The following TRMT11 variants were observed in gnomAD, a reference collection of about 807,000 sequenced individuals.
The protein encoded by TRMT11 is tRNA methyltransferase 11.
Under a neutral mutation model 62.8 loss-of-function variants are expected in TRMT11, and 53 were observed. The ratio of observed to expected loss-of-function variants is 0.84; its 90% CI spans 0.68 to 1.06. The LOEUF is 1.06. Among genes scored for constraint, TRMT11 ranks in the 50% least tolerant of loss-of-function variants. TRMT11 has a pLI of 0.00. For synonymous variants in TRMT11, 188 were observed against 190.3 expected (o/e 0.99, Z 0.10); for missense variants, 556 against 553.4 (o/e 1.00, Z -0.05).
chr6:126,013,487 C>A (rs1300645650), intron 11 of TRMT11, among the ~76,000 whole-genome samples: 1 of 152,132 alleles, frequency 6.6e-6, no homozygotes, highest in Non-Finnish European at 1.5e-5. Context: ...TTTTAAACTT[C>A]TAGGCTCAAG....
rs561466173 is a variant in TRMT11 at position 126,012,964 on chromosome 6, G to T, written c.1008-6G>T. ...CTGATTTTGAAATTTTCTTTTCTTT[G>T]TGTAGTCCAGAAAGCCATGTTCCTG... On this transcript the variant is annotated splice_region_variant and splice_polypyrimidine_tract_variant and intron_variant, in intron 10 of 12. Transcript: ENST00000334379. The T allele has an allele frequency of 6.2e-7, 1 of 1,610,028 alleles. No individual in the cohort carries two copies. The highest frequency in any genetic ancestry group is 1.1e-5 in the South Asian group (1 of 90,752).
chr6:126,083,566 T>C (rs1338200399), intron 17 of TRMT11, among the ~76,000 whole-genome samples: 2 of 152,266 alleles, frequency 1.3e-5, no homozygotes, highest in Middle Eastern at 3.4e-3. Context: ...CAGATTATTA[T>C]AGTGAAGCAA....
chr6:126,126,057 C>G (rs1207045316), intron 21 of TRMT11, among the ~76,000 whole-genome samples: 1 of 152,048 alleles, frequency 6.6e-6, no homozygotes, highest in Non-Finnish European at 1.5e-5. Flanking sequence ...TGTAATTTGC[C>G]TAGGACACCA....
intron 21 of TRMT11, among the ~76,000 whole-genome samples, chr6:126,151,867 C>CTTGTCTTT (rs1562334850): frequency 8.1e-4 from 15 of 18,406 alleles, no homozygotes; most frequent in East Asian, 1.6e-3. Flanking sequence ...TCTTTCTTTC[C>CTTGTCTTT]TTCTTTCTCC....
At chr6:126,165,277 C>CAA (rs764649605) in intron 21 of TRMT11, among the ~76,000 whole-genome samples, 7,969 of 134,614 alleles carry the variant, frequency 0.059, 354 homozygotes, top group African/African-American at 0.13. Context: ...GACCGTGCCT[C>CAA]AAAAAAAAAA....
chr6:126,137,577 A>G (rs1404004384), intron 21 of TRMT11, among the ~76,000 whole-genome samples: 1 of 151,874 alleles, frequency 6.6e-6, no homozygotes, highest in Non-Finnish European at 1.5e-5. Flanking sequence ...TCAGAAAAAC[A>G]AAGATAGTAC....
chr6:126,114,057 T>C (rs1280836903), intron 18 of TRMT11, among the ~76,000 whole-genome samples: 1 of 152,030 alleles, frequency 6.6e-6, no homozygotes, highest in Admixed American at 6.6e-5. Flanking sequence ...AAAAATATTT[T>C]AAAATAGGAT....
At chr6:126,095,707 A>C (rs1056237700) in intron 17 of TRMT11, among the ~76,000 whole-genome samples, 1 of 152,188 alleles carries the variant, frequency 6.6e-6, no homozygotes, top group East Asian at 1.9e-4. Flanking sequence ...GATACCTATT[A>C]TAATAAAGGT....
At chr6:126,135,047 A>G (rs1440771786) in intron 21 of TRMT11, among the ~76,000 whole-genome samples, 1 of 151,730 alleles carries the variant, frequency 6.6e-6, no homozygotes, top group Non-Finnish European at 1.5e-5. Context: ...AATAAAAAAA[A>G]TTTAAATAAT....
the TRMT11 span, among the ~76,000 whole-genome samples, chr6:126,266,822 G>T: frequency 0.21 from 32,326 of 151,976 alleles, 4,443 homozygotes; most frequent in East Asian, 0.53. Flanking sequence ...TACAATGACT[G>T]CCTGTCATGC....
chr6:126,043,625 C>G (rs1204914345), downstream of TRMT11, among the ~76,000 whole-genome samples: 4 of 152,112 alleles, frequency 2.6e-5, no homozygotes. Context: ...TGAGGAATTG[C>G]CACACTGACT....
At chr6:126,205,906 C>T (rs1164711437), downstream of TRMT11, among the ~76,000 whole-genome samples, 1 of 138,316 alleles carries the variant, frequency 7.2e-6, no homozygotes. Context: ...GGTACACACA[C>T]ACACACACAC....
chr6:126,071,621 G>T lies in TRMT11; in HGVS notation c.*1437+18431G>T, dbSNP rs188382786. Among the ~76,000 whole-genome samples the T allele has an allele frequency of 2.4e-4, 36 of 151,314 alleles. No individual in the cohort carries two copies. In the East Asian group the frequency reaches 7.0e-3, roughly 29 times the overall value. ...TGGTTCTAAGAATATAAGCTGGCACGATGATCAGCGAGAGAGTAAATGGGT... is the reference window on the plus strand; with the variant it reads ...TGGTTCTAAGAATATAAGCTGGCACTATGATCAGCGAGAGAGTAAATGGGT... On this transcript the variant is annotated intron_variant and NMD_transcript_variant, in intron 17 of 22. Transcript: ENST00000648977.
chr6:126,237,417 C>T, the TRMT11 span, among the ~76,000 whole-genome samples: 1 of 152,168 alleles, frequency 6.6e-6, no homozygotes, highest in Admixed American at 6.5e-5. Flanking sequence ...CGGTGGCTCA[C>T]ATCTATAATC....
the TRMT11 span, among the ~76,000 whole-genome samples, chr6:126,245,412 T>C: frequency 6.6e-6 from 1 of 152,218 alleles, no homozygotes; most frequent in South Asian, 2.1e-4. Context: ...ACGTCCAGTA[T>C]CAAAAGTTAT....
intron 17 of TRMT11, among the ~76,000 whole-genome samples, chr6:126,060,912 T>C (rs1776518132): frequency 6.6e-6 from 1 of 152,228 alleles, no homozygotes; most frequent in Non-Finnish European, 1.5e-5. Flanking sequence ...CTCAGGGATA[T>C]GGGATCACTG....
chr6:126,169,136 G>A (rs767211005), intron 21 of TRMT11, among the ~76,000 whole-genome samples: 9 of 152,328 alleles, frequency 5.9e-5, no homozygotes, highest in Middle Eastern at 3.4e-3. Flanking sequence ...CTGCATACTG[G>A]AACTGGGTAG....
chr6:126,078,398 G>GTT lies in TRMT11; in HGVS notation c.*1437+25220_*1437+25221dup, dbSNP rs36060578. Among the ~76,000 whole-genome samples the GTT allele has an allele frequency of 2.9e-3, 417 of 141,512 alleles. 3 individuals carry two copies. Among genetic ancestry groups the GTT allele is most frequent in the African/African-American group, 9.8e-3 (380 of 38,806 alleles). The allele number at this position is 141,512 out of a possible 152,430, so 92.8% of individuals were successfully genotyped here. A position where few individuals can be genotyped will look rare whatever the true frequency, so the allele number is the denominator to read the frequency against. The stretch of plus-strand genomic sequence containing the variant: ...CTGGTTTGCATTTTTTATTAGAAAG[G>GTT]TTTTTTTTTTTTTGAGTTGGACTCA... On this transcript the variant is annotated intron_variant and NMD_transcript_variant, in intron 17 of 22. Coordinates refer to the TRMT11 transcript ENST00000648977.
chr6:126,258,264 G>T, the TRMT11 span: 1 of 548,984 alleles, frequency 1.8e-6, no homozygotes, highest in East Asian at 4.6e-5. Context: ...GCGGCCCTGG[G>T]GGGTGGGCTC....
Sources: gnomAD v4.1 joint callset for allele counts (sites outside exome capture counted in the v4.1 genomes callset) on GRCh38, gnomAD v4.1.1 for gene constraint, MANE v1.5 for transcripts, NCBI Gene and HGNC (gene_info 2026-07-23, HGNC 2026-07-21) for gene names.